Variants in PCDHA3 observed in about 807,000 individuals in gnomAD.
PCDHA3 encodes the protein protocadherin alpha-3.
Under a neutral mutation model 62.2 loss-of-function variants are expected in PCDHA3, and 41 were observed. That is an observed-to-expected ratio of 0.66 (90% confidence interval 0.51 to 0.86). The LOEUF (loss-of-function observed/expected upper bound fraction) is 0.86, where lower values mean the gene tolerates loss of function less well. Among genes scored for constraint, PCDHA3 ranks in the 40% least tolerant of loss-of-function variants. The pLI is 0.00. For missense variants in PCDHA3, 1,304 were observed against 1,241.2 expected, an observed-to-expected ratio of 1.05 and a Z score of -0.76; for synonymous variants, 640 against 555.4, an observed-to-expected ratio of 1.15 and a Z score of -2.14.
Position 140,877,923 on chromosome 5 carries a change from T to C in PCDHA3, c.2394+74332T>C, listed in dbSNP as rs1252401405. ...ATAACTACATTCTCTCATTTTTCTTTATGATTCTATCCTTTAAACTATCGA... is the reference window on the plus strand; with the variant it reads ...ATAACTACATTCTCTCATTTTTCTTCATGATTCTATCCTTTAAACTATCGA... On this transcript the variant is annotated intron_variant, in intron 1 of 3. Coordinates refer to ENST00000522353, the MANE Select transcript of PCDHA3 (RefSeq NM_018906.3). 5 of 1,421,040 alleles carry C rather than the reference T, an allele frequency of 3.5e-6. No individual in the cohort carries two copies. The African/African-American group carries it at 5.8e-5, about 16-fold the overall frequency. The allele number at this position is 1,421,040 out of a possible 1,614,324, so 88.0% of individuals were successfully genotyped here. A position where few individuals can be genotyped will look rare whatever the true frequency, so the allele number is the denominator to read the frequency against.
intron 1 of PCDHA3, chr5:140,863,305 T>C: frequency 1.4e-6 from 2 of 1,463,102 alleles, no homozygotes; most frequent in Non-Finnish European, 1.9e-6. Context: ...CATCGCCATC[T>C]GCGTGGTGTC....
In PCDHA3 at chr5:140,856,189, C is replaced by A. The variant is rs1399826536; in HGVS notation, c.2394+52598C>A. On this transcript the variant is annotated intron_variant, in intron 1 of 3. Transcript: ENST00000522353. ...GACACGGCACCTTCGTGGGCCGCAT[C>A]GCGCAGGACCTGGGGCTGGAGCTGG... 11 of 1,598,094 alleles carry A rather than the reference C, an allele frequency of 6.9e-6. 1 individual carries two copies. In the African/African-American group the frequency reaches 1.5e-4, roughly 22 times the overall value.
At chr5:140,871,297 G>T (rs781824958) in intron 1 of PCDHA3, 1 of 1,613,896 alleles carries the variant, frequency 6.2e-7, no homozygotes, top group Non-Finnish European at 8.5e-7. Flanking sequence ...GGGCGCGTGC[G>T]CGCCGGGGAA....
chr5:140,853,436 T>C (rs1442377806), intron 1 of PCDHA3: 3 of 984,616 alleles, frequency 3.0e-6, no homozygotes, highest in African/African-American at 3.5e-5. Flanking sequence ...CACTTTCCTA[T>C]TTTGCCTAAT....
intron 1 of PCDHA3, chr5:140,929,315 T>C: frequency 6.4e-7 from 1 of 1,559,382 alleles, no homozygotes; most frequent in African/African-American, 1.4e-5. Context: ...CACGCTAATG[T>C]CAATGCCATG....
chr5:140,908,730 C>G (rs1367655223), intron 1 of PCDHA3, among the ~76,000 whole-genome samples: 4 of 152,124 alleles, frequency 2.6e-5, no homozygotes, highest in Non-Finnish European at 4.4e-5. Context: ...TCATATGGCT[C>G]GAGAAACAGA....
chr5:140,801,587 G>A lies in PCDHA3; in HGVS notation c.390G>A (p.Ala130=), dbSNP rs782170859. 5.0e-6 allele frequency: 8 copies of A among 1,614,092 alleles called. No individual in the cohort carries two copies. Among genetic ancestry groups the A allele is most frequent in the East Asian group, 2.2e-5 (1 of 44,908 alleles). Residue 130 remains alanine (A), a synonymous_variant, in exon 1 of 4, where the codon GCG becomes GCA. Transcript: ENST00000522353. ...AAGTGAAGGACATTAATGACAACGC[G>A]CCAGTTTTTCCAATGGCTGTAAAGA... The part of the protein sequence containing the change: ...EVEVKDINDN[A]PVFPMAVKNL...
At chr5:140,805,596 A>G (rs1763602146) in intron 1 of PCDHA3, 1 of 927,716 alleles carries the variant, frequency 1.1e-6, no homozygotes, top group Non-Finnish European at 1.3e-6. Context: ...ATGTCTTTAT[A>G]TATTAAATTT....
chr5:140,876,081 G>A (rs568872116), intron 1 of PCDHA3: 1 of 1,613,944 alleles, frequency 6.2e-7, no homozygotes, highest in African/African-American at 1.3e-5. Flanking sequence ...TGGACAGAGA[G>A]CAAACGCCAA....
At chr5:140,861,374 T>C in intron 1 of PCDHA3, 1 of 409,110 alleles carries the variant, frequency 2.4e-6, no homozygotes, top group Middle Eastern at 9.4e-4. Context: ...CGGTCCCTAT[T>C]GCGCAGGACC....
At chr5:141,005,985 T>C (rs2098249971) in intron 3 of PCDHA3, among the ~76,000 whole-genome samples, 1 of 151,848 alleles carries the variant, frequency 6.6e-6, no homozygotes, top group Non-Finnish European at 1.5e-5. Context: ...AAAGAGTGTT[T>C]GAGGATCTGA....
intron 1 of PCDHA3, chr5:140,865,634 A>G (rs2048944722): frequency 6.6e-6 from 1 of 152,218 alleles, no homozygotes; most frequent in Non-Finnish European, 1.5e-5. Context: ...TCATGAAGGG[A>G]CTTAAATACA....
At chr5:140,831,687 G>C (rs2150196814) in intron 1 of PCDHA3, among the ~76,000 whole-genome samples, 2 of 152,012 alleles carry the variant, frequency 1.3e-5, no homozygotes, top group African/African-American at 4.8e-5. Context: ...TGAATGAAAA[G>C]CAGCAAAAAG....
intron 1 of PCDHA3, chr5:140,821,403 A>G (rs1766966942): frequency 5.9e-6 from 1 of 170,864 alleles, no homozygotes; most frequent in Non-Finnish European, 1.3e-5. Flanking sequence ...GACGCATTTT[A>G]AGATAGAGTT....
intron 1 of PCDHA3, among the ~76,000 whole-genome samples, chr5:140,917,038 C>T (rs1342700377): frequency 6.6e-6 from 1 of 152,168 alleles, no homozygotes; most frequent in African/African-American, 2.4e-5. Context: ...CTGAGTCCAG[C>T]ACAGTGTTGT....
At chr5:140,861,746 A>G (rs1163368847) in intron 1 of PCDHA3, 1 of 145,142 alleles carries the variant, frequency 6.9e-6, no homozygotes, top group African/African-American at 2.8e-5. Context: ...ACTGTGCCGC[A>G]ATGATTATTT....
chr5:140,842,387 T>A lies in PCDHA3; in HGVS notation c.2394+38796T>A, dbSNP rs2150335066. On this transcript the variant is annotated intron_variant, in intron 1 of 3. Coordinates refer to ENST00000522353, the MANE Select transcript of PCDHA3 (RefSeq NM_018906.3). ...CCCTGAGATAGCACTGACTTCCTTA[T>A]CCTTGCCTGTACGTGAAGACGCTCA... The A allele has an allele frequency of 8.7e-6, 14 of 1,611,016 alleles. 1 individual carries two copies. The South Asian group carries it at 1.4e-4, about 16-fold the overall frequency.
chr5:140,870,632 A>G, intron 1 of PCDHA3: 1 of 1,612,930 alleles, frequency 6.2e-7, no homozygotes, highest in Non-Finnish European at 8.5e-7. Flanking sequence ...GTGTCGGTGC[A>G]CGCGGAGAGC....
intron 1 of PCDHA3, among the ~76,000 whole-genome samples, chr5:140,886,563 C>CA (rs1344648100): frequency 6.6e-6 from 1 of 152,024 alleles, no homozygotes. Context: ...CACGGTGGCT[C>CA]ACGCCTGTAA....
Sources: gnomAD v4.1 joint callset for allele counts (sites outside exome capture counted in the v4.1 genomes callset) on GRCh38, gnomAD v4.1.1 for gene constraint, MANE v1.5 for transcripts, NCBI Gene and HGNC (gene_info 2026-07-23, HGNC 2026-07-21) for gene names.